The following CNTNAP5 variants were observed in gnomAD, a reference collection of about 807,000 sequenced individuals.
CNTNAP5 encodes contactin-associated protein-like 5.
Under a neutral mutation model 150.2 loss-of-function variants are expected in CNTNAP5, and 72 were observed. That is an observed-to-expected ratio of 0.48 (90% confidence interval 0.40 to 0.58). The LOEUF is 0.58. Among genes scored for constraint, CNTNAP5 ranks in the 20% least tolerant of loss-of-function variants. CNTNAP5 has a pLI of 0.00. For synonymous variants in CNTNAP5, 672 were observed against 619.8 expected, an observed-to-expected ratio of 1.08 and a Z score of -1.25; for missense variants, 1,636 against 1,626.2, an observed-to-expected ratio of 1.01 and a Z score of -0.10.
chr2:124,504,389 T>C lies in CNTNAP5; in HGVS notation c.1160T>C (p.Ile387Thr). ...SYLLLPGTPQ[I>T]DGLSVSFQFR... ...TTGCTGCTGCCCGGCACCCCCCAAA[T>C]TGATGGGCTCTCAGTGAGTTTCCAG... The change falls in exon 8 of 24, where the codon ATT becomes ACT. Residue 387 changes from isoleucine to threonine, a missense_variant. Transcript: ENST00000682447. 5 of 1,613,906 alleles carry C rather than the reference T, an allele frequency of 3.1e-6. No homozygotes were observed. The highest frequency in any genetic ancestry group is 4.2e-6 in the Non-Finnish European group (5 of 1,179,856).
chr2:124,429,020 A>G (rs1345291694), intron 4 of CNTNAP5, among the ~76,000 whole-genome samples: 1 of 152,192 alleles, frequency 6.6e-6, no homozygotes, highest in African/African-American at 2.4e-5. Context: ...CAACACAAAT[A>G]AAGATTTTGA....
chr2:124,296,266 A>G (rs1040800051), intron 3 of CNTNAP5, among the ~76,000 whole-genome samples: 4 of 152,274 alleles, frequency 2.6e-5, no homozygotes, highest in East Asian at 1.9e-4. Flanking sequence ...CAGGTCTGTG[A>G]TTGGGTGGCC....
At chr2:124,418,306 A>G (rs1267216121) in intron 4 of CNTNAP5, among the ~76,000 whole-genome samples, 1 of 152,208 alleles carries the variant, frequency 6.6e-6, no homozygotes, top group Non-Finnish European at 1.5e-5. Flanking sequence ...CCTAATGCAT[A>G]AACACATTTG....
intron 1 of CNTNAP5, among the ~76,000 whole-genome samples, chr2:124,176,753 C>A (rs1375183389): frequency 1.3e-5 from 2 of 151,362 alleles, no homozygotes; most frequent in African/African-American, 4.9e-5. Context: ...TTCCTTCTTT[C>A]TGGGCATGGG....
At chr2:124,396,072 A>G (rs1691235613) in intron 3 of CNTNAP5, among the ~76,000 whole-genome samples, 1 of 152,228 alleles carries the variant, frequency 6.6e-6, no homozygotes, top group Non-Finnish European at 1.5e-5. Flanking sequence ...TGGAGTTTAT[A>G]GTACATTCAG....
At chr2:124,396,103 C>T (rs141649433) in intron 3 of CNTNAP5, among the ~76,000 whole-genome samples, 4 of 152,276 alleles carry the variant, frequency 2.6e-5, no homozygotes, top group African/African-American at 4.8e-5. Flanking sequence ...AAATAAGACT[C>T]AAAGCAGAAC....
chr2:124,179,630 C>T (rs1476824167), intron 1 of CNTNAP5, among the ~76,000 whole-genome samples: 1 of 152,132 alleles, frequency 6.6e-6, no homozygotes, highest in Non-Finnish European at 1.5e-5. Context: ...CAAACCAGAG[C>T]AATCATCATT....
At chr2:124,184,567 G>A (rs1685285263) in intron 1 of CNTNAP5, among the ~76,000 whole-genome samples, 1 of 152,150 alleles carries the variant, frequency 6.6e-6, no homozygotes, top group Non-Finnish European at 1.5e-5. Flanking sequence ...TACTCTGATA[G>A]CAGTGTGGAG....
At position 124,865,447 on chromosome 2, in the gene CNTNAP5, T is replaced by G; in HGVS notation, c.3348+11T>G. 6.4e-7 allele frequency: 1 copy of G among 1,551,064 alleles called. No homozygotes were observed. The highest frequency in any genetic ancestry group is 1.2e-5 in the South Asian group (1 of 84,028). ...GAGCTTACCATTCAGGTACCTTCCT[T>G]ACTTTCTCCTGCTTCAGCCAATGTG... On this transcript the variant is annotated intron_variant, in intron 20 of 23. Coordinates refer to ENST00000682447, the MANE Select transcript of CNTNAP5 (RefSeq NM_001367498.1).
intron 4 of CNTNAP5, among the ~76,000 whole-genome samples, chr2:124,427,213 G>A (rs1376414550): frequency 6.6e-6 from 1 of 152,036 alleles, no homozygotes. Context: ...ATTCCACAAC[G>A]ACCACATTAG....
At chr2:124,065,006 A>G (rs1295441775) in intron 1 of CNTNAP5, among the ~76,000 whole-genome samples, 1 of 152,144 alleles carries the variant, frequency 6.6e-6, no homozygotes, top group Non-Finnish European at 1.5e-5. Context: ...TGTTGGATTA[A>G]TTCTTTTTAT....
chr2:124,561,994 T>C (rs906618909), intron 10 of CNTNAP5, among the ~76,000 whole-genome samples: 1 of 152,204 alleles, frequency 6.6e-6, no homozygotes, highest in Non-Finnish European at 1.5e-5. Flanking sequence ...TATGTATCAT[T>C]GTTTTTACTC....
intron 1 of CNTNAP5, among the ~76,000 whole-genome samples, chr2:124,171,906 C>T (rs1056479886): frequency 6.6e-6 from 1 of 152,216 alleles, no homozygotes; most frequent in African/African-American, 2.4e-5. Flanking sequence ...AGGCTATCTT[C>T]ATTTGTCCTT....
intron 3 of CNTNAP5, among the ~76,000 whole-genome samples, chr2:124,403,775 A>G (rs540838740): frequency 2.0e-5 from 3 of 152,166 alleles, no homozygotes; most frequent in African/African-American, 4.8e-5. Context: ...GTAATTTATA[A>G]AAGAAGGAGG....
At chr2:124,646,766 G>C (rs953655293) in intron 12 of CNTNAP5, among the ~76,000 whole-genome samples, 1 of 152,010 alleles carries the variant, frequency 6.6e-6, no homozygotes, top group Admixed American at 6.6e-5. Context: ...TCTTGTTTTT[G>C]TTGCAATTGT....
At chr2:124,434,783 T>A in intron 5 of CNTNAP5, 96 bp downstream of exon 5, 3 of 1,056,120 alleles carry the variant, frequency 2.8e-6, no homozygotes, top group South Asian at 3.0e-5. Flanking sequence ...CTGGTGGAAG[T>A]CACTGGAGCA....
chr2:124,115,917 A>C (rs1465795996), intron 1 of CNTNAP5, among the ~76,000 whole-genome samples: 1 of 151,868 alleles, frequency 6.6e-6, no homozygotes, highest in Non-Finnish European at 1.5e-5. Context: ...TGCTGGGATT[A>C]CAGGCATCAG....
At chr2:124,325,763 T>C (rs558970971) in intron 3 of CNTNAP5, among the ~76,000 whole-genome samples, 2 of 152,286 alleles carry the variant, frequency 1.3e-5, no homozygotes, top group South Asian at 4.1e-4. Context: ...TAACTATATA[T>C]TGCAAATGAG....
At chr2:124,112,433 C>T (rs1212590983) in intron 1 of CNTNAP5, among the ~76,000 whole-genome samples, 1 of 152,194 alleles carries the variant, frequency 6.6e-6, no homozygotes, top group Non-Finnish European at 1.5e-5. Flanking sequence ...ACTTGTCACA[C>T]TCCTCTTAGA....
Sources: gnomAD v4.1 joint callset for allele counts (sites outside exome capture counted in the v4.1 genomes callset) on GRCh38, gnomAD v4.1.1 for gene constraint, MANE v1.5 for transcripts, NCBI Gene and HGNC (gene_info 2026-07-23, HGNC 2026-07-21) for gene names.